SASS6: variants seen among roughly 807,000 people sequenced by gnomAD.
The protein encoded by SASS6 is SAS-6 centriolar assembly protein.
A neutral mutation model predicts 94.9 loss-of-function variants in SASS6; 59 were observed. The observed-to-expected ratio is 0.62, with a 90% CI of 0.50 to 0.77. The LOEUF (loss-of-function observed/expected upper bound fraction) is 0.77, where lower values mean the gene tolerates loss of function less well. SASS6 is among the 30% of genes least tolerant of loss of function. SASS6 has a pLI of 0.00. For synonymous variants in SASS6, 264 were observed against 270.0 expected, an observed-to-expected ratio of 0.98 and a Z score of 0.22; for missense variants, 698 against 734.1, an observed-to-expected ratio of 0.95 and a Z score of 0.57.
In SASS6 at chr1:100,119,177, T is replaced by G. The variant is rs1461912967; in HGVS notation, c.550-40A>C. ...AACACAAAATATTAAGATAGGCTCCTTAATATGTAATAATTTTGATTAGAA... is the reference window on the plus strand; with the variant it reads ...AACACAAAATATTAAGATAGGCTCCGTAATATGTAATAATTTTGATTAGAA... On this transcript the variant is annotated intron_variant, in intron 6 of 16. Coordinates refer to ENST00000287482, the MANE Select transcript of SASS6 (RefSeq NM_194292.3). The G allele has an allele frequency of 4.3e-6, 5 of 1,169,082 alleles. No homozygotes were observed. The African/African-American group carries it at 7.7e-5, about 18-fold the overall frequency. 72.4% of individuals were successfully genotyped at this position (1,169,082 alleles called of 1,614,324 possible).
At position 100,104,864 on chromosome 1, in the gene SASS6, G is replaced by A. The variant is rs186201932; in HGVS notation, c.1545+903C>T. Among the ~76,000 whole-genome samples the A allele has an allele frequency of 2.3e-3, 350 of 151,798 alleles. 1 individual carries two copies. Among genetic ancestry groups the A allele is most frequent in the African/African-American group, 7.6e-3 (314 of 41,418 alleles). ...GCACTTTGAGAGGCCGAGGTGGGAGGATTGCCTGAGCCCAGGAGGTCAAGG... is the reference window on the plus strand; with the variant it reads ...GCACTTTGAGAGGCCGAGGTGGGAGAATTGCCTGAGCCCAGGAGGTCAAGG... On this transcript the variant is annotated intron_variant, in intron 13 of 16. Coordinates refer to ENST00000287482, the MANE Select transcript of SASS6 (RefSeq NM_194292.3).
At chr1:100,104,869 C>T (rs1652773767) in intron 13 of SASS6, among the ~76,000 whole-genome samples, 1 of 151,634 alleles carries the variant, frequency 6.6e-6, no homozygotes, top group African/African-American at 2.4e-5. Flanking sequence ...GGGAGGATTG[C>T]CTGAGCCCAG....
At chr1:100,097,295 G>A (rs908273247) in intron 14 of SASS6, among the ~76,000 whole-genome samples, 5 of 152,156 alleles carry the variant, frequency 3.3e-5, no homozygotes, top group Non-Finnish European at 5.9e-5. Flanking sequence ...TATGCCACCA[G>A]CCATTCCATT....
chr1:100,087,628 A>T (rs1651403439), intron 15 of SASS6, among the ~76,000 whole-genome samples: 1 of 152,120 alleles, frequency 6.6e-6, no homozygotes, highest in Admixed American at 6.5e-5. Flanking sequence ...ATTAAAGCTT[A>T]TTTTTGTTAT....
intron 14 of SASS6, among the ~76,000 whole-genome samples, chr1:100,090,039 AG>A (rs879586426): frequency 9.1e-4 from 139 of 152,224 alleles, no homozygotes; most frequent in Non-Finnish European, 1.7e-3. Context: ...ATTTGAAAGT[AG>A]ATGATGAAAT....
At chr1:100,131,089 C>T (rs1440989748) in intron 1 of SASS6, among the ~76,000 whole-genome samples, 1 of 152,148 alleles carries the variant, frequency 6.6e-6, no homozygotes, top group African/African-American at 2.4e-5. Flanking sequence ...AAAGTCATGG[C>T]CTCCTTTATC....
intron 14 of SASS6, among the ~76,000 whole-genome samples, chr1:100,102,083 A>G (rs1298028601): frequency 6.6e-6 from 1 of 152,246 alleles, no homozygotes; most frequent in Non-Finnish European, 1.5e-5. Flanking sequence ...AACTATTGTG[A>G]AAACAAAATT....
intron 14 of SASS6, among the ~76,000 whole-genome samples, chr1:100,091,628 A>AT (rs1369446734): frequency 1.4e-5 from 2 of 142,120 alleles, no homozygotes; most frequent in Non-Finnish European, 3.1e-5. Context: ...AAAAAGTCTC[A>AT]TTAAAAAAAA....
intron 14 of SASS6, 37 bp downstream of exon 14, chr1:100,102,918 A>AT (rs1192678890): frequency 1.9e-6 from 3 of 1,547,294 alleles, no homozygotes; most frequent in South Asian, 1.2e-5. Flanking sequence ...AGGTTGCTAT[A>AT]TTTTTTCCCA....
chr1:100,101,312 C>T (rs1005744585), intron 14 of SASS6, among the ~76,000 whole-genome samples: 45 of 150,138 alleles, frequency 3.0e-4, no homozygotes, highest in African/African-American at 1.1e-3. Context: ...GAGATGAGAG[C>T]GCAAATTGTT....
chr1:100,088,122 T>C lies in SASS6; in HGVS notation c.1772+17A>G, dbSNP rs763339900. 85 of 1,386,670 alleles carry C rather than the reference T, an allele frequency of 6.1e-5. No homozygotes were observed. Among genetic ancestry groups the C allele is most frequent in the Non-Finnish European group, 8.7e-5 (85 of 977,024 alleles). The allele number at this position is 1,386,670 out of a possible 1,614,324, so 85.9% of individuals were successfully genotyped here. On this transcript the variant is annotated intron_variant, in intron 15 of 16. Transcript: ENST00000287482. Reference sequence around the variant, plus strand: ...TCAAAATTGCAAACATTAAATTTTATGTCATTAAGCACTTACTTTTCCTTA... The same window carrying C: ...TCAAAATTGCAAACATTAAATTTTACGTCATTAAGCACTTACTTTTCCTTA...
intron 6 of SASS6, among the ~76,000 whole-genome samples, chr1:100,120,049 T>C (rs1468108805): frequency 6.6e-6 from 1 of 152,176 alleles, no homozygotes; most frequent in South Asian, 2.1e-4. Context: ...GGGAAAGGTT[T>C]AGAGCATAGG....
intron 14 of SASS6, among the ~76,000 whole-genome samples, chr1:100,101,536 T>C (rs1038599312): frequency 6.6e-6 from 1 of 152,146 alleles, no homozygotes; most frequent in Admixed American, 6.5e-5. Flanking sequence ...CTAGTAGTAC[T>C]TGTCCTCATT....
chr1:100,109,486 G>T (rs1364617614), intron 8 of SASS6, among the ~76,000 whole-genome samples: 1 of 152,000 alleles, frequency 6.6e-6, no homozygotes, highest in African/African-American at 2.4e-5. Context: ...AAATTTCTGT[G>T]GGGCTTAATA....
chr1:100,125,151 A>G (rs907556372), intron 2 of SASS6, among the ~76,000 whole-genome samples: 9 of 152,000 alleles, frequency 5.9e-5, no homozygotes, highest in Admixed American at 4.6e-4. Context: ...AGATTCACAA[A>G]TATCTCCCTG....
chr1:100,108,613 A>T (rs1374519941), intron 8 of SASS6, among the ~76,000 whole-genome samples: 1 of 152,152 alleles, frequency 6.6e-6, no homozygotes, highest in African/African-American at 2.4e-5. Flanking sequence ...AGCCCAGGAT[A>T]CAATATTCCT....
At chr1:100,106,312 TA>T (rs1293501763) in intron 12 of SASS6, among the ~76,000 whole-genome samples, 1 of 152,022 alleles carries the variant, frequency 6.6e-6, no homozygotes, top group African/African-American at 2.4e-5. Flanking sequence ...ACACAGCTAT[TA>T]AAAAAAGGAA....
intron 7 of SASS6, among the ~76,000 whole-genome samples, chr1:100,113,283 C>T (rs1318201186): frequency 6.6e-6 from 1 of 152,006 alleles, no homozygotes; most frequent in East Asian, 1.9e-4. Context: ...CGAACAACAA[C>T]GTCAAGAAGA....
At chr1:100,096,207 TG>T (rs954127817) in intron 14 of SASS6, among the ~76,000 whole-genome samples, 1 of 152,182 alleles carries the variant, frequency 6.6e-6, no homozygotes, top group African/African-American at 2.4e-5. Flanking sequence ...TAAAAATCAA[TG>T]AAACAGAATT....
Sources: allele counts gnomAD v4.1 joint callset (sites outside exome capture counted in the v4.1 genomes callset), GRCh38; gene constraint gnomAD v4.1.1; transcripts MANE v1.5; gene names NCBI Gene and HGNC (gene_info 2026-07-23, HGNC 2026-07-21).